Variants in SNX18 observed in about 807,000 individuals in gnomAD.
SNX18 encodes the protein sorting nexin-18.
SNX18 carries 35 observed loss-of-function variants against 48.7 expected under a neutral mutation model. That is an observed-to-expected ratio of 0.72 (90% CI 0.55 to 0.95). The LOEUF (loss-of-function observed/expected upper bound fraction) is 0.95. Ranked by LOEUF, SNX18 falls within the 40% of genes least tolerant of loss-of-function variation. The pLI is 0.00. For missense variants in SNX18, 824 were observed against 871.0 expected (o/e 0.95, Z 0.68); for synonymous variants, 492 against 384.7 (o/e 1.28, Z -3.26).
the SNX18 span, among the ~76,000 whole-genome samples, chr5:54,556,724 C>T: frequency 6.6e-6 from 1 of 152,136 alleles, no homozygotes; most frequent in Non-Finnish European, 1.5e-5. Context: ...CACTTGCATG[C>T]TTATCTGTGT....
chr5:54,595,551 A>T, the SNX18 span, among the ~76,000 whole-genome samples: 1 of 152,186 alleles, frequency 6.6e-6, no homozygotes, highest in African/African-American at 2.4e-5. Context: ...AAGTTCTTTC[A>T]GAAATCTCCA....
chr5:54,608,275 A>T, the SNX18 span, among the ~76,000 whole-genome samples: 3,468 of 152,234 alleles, frequency 0.023, 57 homozygotes, highest in Non-Finnish European at 0.035. Context: ...ATGGTACTGA[A>T]CATCTTTTCA....
Position 54,518,505 on chromosome 5 carries a change from G to C in SNX18, c.553G>C (p.Ala185Pro), listed in dbSNP as rs1761927565. ...CCCGGACCTCGACGGCTCGTCTTCG[G>C]CGGGTGTGGGCGCAGCCGGCCGCTA... Reference protein sequence around the residue: ...AYPDLDGSSSAGVGAAGRYRL... With the variant: ...AYPDLDGSSSPGVGAAGRYRL... The change falls in exon 1 of 2, where the codon GCG (alanine) becomes CCG (proline). Residue 185 changes from alanine (A) to proline (P), a missense_variant. Coordinates refer to ENST00000381410, the MANE Select transcript of SNX18 (RefSeq NM_001102575.2). 6.4e-7 allele frequency: 1 copy of C among 1,552,484 alleles called. No homozygotes were observed. Among genetic ancestry groups the C allele is most frequent in the South Asian group, 1.2e-5 (1 of 85,874 alleles).
downstream of SNX18, among the ~76,000 whole-genome samples, chr5:54,550,441 T>A (rs186981960): frequency 6.8e-3 from 1,030 of 151,410 alleles, 17 homozygotes; most frequent in African/African-American, 0.023. Context: ...CTATCATTTT[T>A]AAAAAAAACA....
intron 1 of SNX18, among the ~76,000 whole-genome samples, chr5:54,540,485 G>A (rs1053765605): frequency 1.2e-4 from 18 of 152,154 alleles, no homozygotes; most frequent in South Asian, 4.1e-4. Context: ...CCAAATTGCC[G>A]GGATTTTAGG....
chr5:54,579,763 T>A, the SNX18 span, among the ~76,000 whole-genome samples: 3 of 152,270 alleles, frequency 2.0e-5, no homozygotes, highest in East Asian at 5.8e-4. Context: ...TTTAGAAGGT[T>A]CCCAAGAGGT....
At chr5:54,584,431 C>T in the SNX18 span, among the ~76,000 whole-genome samples, 1 of 152,014 alleles carries the variant, frequency 6.6e-6, no homozygotes, top group African/African-American at 2.4e-5. Flanking sequence ...TCATATATTA[C>T]CCCCAATGTG....
chr5:54,637,159 A>G, the SNX18 span, among the ~76,000 whole-genome samples: 1 of 152,198 alleles, frequency 6.6e-6, no homozygotes, highest in South Asian at 2.1e-4. Context: ...CAAGAATACA[A>G]GCAGAACATG....
At chr5:54,621,900 C>T in the SNX18 span, among the ~76,000 whole-genome samples, 1 of 152,166 alleles carries the variant, frequency 6.6e-6, no homozygotes, top group South Asian at 2.1e-4. Context: ...CTGACTTTTA[C>T]TGGATACCTT....
the SNX18 span, among the ~76,000 whole-genome samples, chr5:54,568,729 G>T: frequency 6.6e-6 from 1 of 151,890 alleles, no homozygotes; most frequent in African/African-American, 2.4e-5. Context: ...AGAATCATTT[G>T]TGTGTTGATT....
chr5:54,558,402 T>C, the SNX18 span, among the ~76,000 whole-genome samples: 1 of 152,222 alleles, frequency 6.6e-6, no homozygotes, highest in Admixed American at 6.5e-5. Flanking sequence ...TCTTTTCTCA[T>C]TCTTTCTTTC....
chr5:54,587,557 G>C, the SNX18 span, among the ~76,000 whole-genome samples: 1 of 152,026 alleles, frequency 6.6e-6, no homozygotes, highest in Non-Finnish European at 1.5e-5. Flanking sequence ...CTTTCTCTCC[G>C]TGGTGCCCAA....
the SNX18 span, among the ~76,000 whole-genome samples, chr5:54,628,583 T>C: frequency 6.6e-6 from 1 of 152,194 alleles, no homozygotes; most frequent in East Asian, 1.9e-4. Context: ...CCTATTACAA[T>C]GGGGTGTGTC....
chr5:54,529,062 C>T (rs1374864437), intron 1 of SNX18, among the ~76,000 whole-genome samples: 2 of 152,158 alleles, frequency 1.3e-5, no homozygotes, highest in African/African-American at 4.8e-5. Context: ...GCCGACATGG[C>T]CAGGCCTGCA....
the SNX18 span, among the ~76,000 whole-genome samples, chr5:54,603,231 A>T: frequency 9.7e-5 from 11 of 113,804 alleles, no homozygotes; most frequent in South Asian, 7.5e-4. Flanking sequence ...ATTATTTAAA[A>T]ATATATATAT....
the SNX18 span, among the ~76,000 whole-genome samples, chr5:54,575,370 T>C: frequency 1.4e-5 from 1 of 72,292 alleles, no homozygotes. Context: ...CCCCACTGCT[T>C]TTTTTTTTTT....
the SNX18 span, among the ~76,000 whole-genome samples, chr5:54,631,248 G>A: frequency 6.6e-6 from 1 of 152,188 alleles, no homozygotes; most frequent in Non-Finnish European, 1.5e-5. Flanking sequence ...ATTTAGTGCT[G>A]AGAAATCCTC....
At chr5:54,589,025 T>C in the SNX18 span, among the ~76,000 whole-genome samples, 1 of 152,192 alleles carries the variant, frequency 6.6e-6, no homozygotes, top group African/African-American at 2.4e-5. Context: ...TAAACCACTA[T>C]GATTTCAGAG....
the SNX18 span, among the ~76,000 whole-genome samples, chr5:54,626,812 G>T: frequency 6.6e-6 from 1 of 152,168 alleles, no homozygotes; most frequent in South Asian, 2.1e-4. Context: ...TTATCTGTGG[G>T]TAAGATAGCA....
Sources: gnomAD v4.1 joint callset for allele counts (sites outside exome capture counted in the v4.1 genomes callset) on GRCh38, gnomAD v4.1.1 for gene constraint, MANE v1.5 for transcripts, NCBI Gene and HGNC (gene_info 2026-07-23, HGNC 2026-07-21) for gene names.